Variants in LRMDA observed in about 807,000 individuals in gnomAD.
LRMDA encodes the protein leucine rich melanocyte differentiation associated, also known as leucine-rich melanocyte differentiation-associated protein.
LRMDA carries 18 observed loss-of-function variants against 29.8 expected under a neutral mutation model. That is an observed-to-expected ratio of 0.60 (90% CI 0.42 to 0.90). The LOEUF (loss-of-function observed/expected upper bound fraction) is 0.90, where lower values mean the gene tolerates loss of function less well. LRMDA is among the 40% of genes least tolerant of loss of function. LRMDA has a pLI of 0.00. For missense variants in LRMDA, 273 were observed against 273.9 expected (o/e 1.00, Z 0.02); for synonymous variants, 125 against 109.4 (o/e 1.14, Z -0.89).
In LRMDA at chr10:76,559,122, C is replaced by T. The variant is rs906904665; in HGVS notation, c.*1834C>T. ...AGAATTCTGTGCAAGGGCAGCTAGA[C>T]GAGTCAGATGTCATATCCAATCTAG... is the stretch of plus-strand genomic sequence containing the variant. On this transcript the variant is annotated 3_prime_UTR_variant, in exon 7 of 7. Coordinates refer to ENST00000611255, the MANE Select transcript of LRMDA (RefSeq NM_001305581.2). 7.9e-5 allele frequency: 12 copies of T among 152,170 alleles called. No homozygotes were observed. The highest frequency in any genetic ancestry group is 6.2e-4 in the South Asian group (3 of 4,814). 9.4% of individuals were successfully genotyped at this position (152,170 alleles called of 1,614,324 possible).
intron 6 of LRMDA, among the ~76,000 whole-genome samples, chr10:76,365,071 T>TACACACACAC (rs1554816010): frequency 1.1e-5 from 1 of 91,510 alleles, no homozygotes; most frequent in Non-Finnish European, 2.3e-5. Flanking sequence ...CGTATATATA[T>TACACACACAC]ACACACACAC....
chr10:75,781,260 C>G (rs1019496265), intron 2 of LRMDA, among the ~76,000 whole-genome samples: 1 of 152,160 alleles, frequency 6.6e-6, no homozygotes, highest in African/African-American at 2.4e-5. Flanking sequence ...TCATTCACCT[C>G]TTTGTCCCAG....
chr10:76,538,399 G>A (rs1040156799), intron 6 of LRMDA, among the ~76,000 whole-genome samples: 2 of 148,730 alleles, frequency 1.3e-5, no homozygotes, highest in African/African-American at 4.9e-5. Context: ...AAGTAGCTGA[G>A]TTTATTGATT....
intron 6 of LRMDA, among the ~76,000 whole-genome samples, chr10:76,365,604 C>A (rs1281208019): frequency 6.6e-6 from 1 of 151,918 alleles, no homozygotes; most frequent in East Asian, 1.9e-4. Context: ...TTGTTTTTTT[C>A]TTACTGATTT....
intron 2 of LRMDA, among the ~76,000 whole-genome samples, chr10:75,708,850 C>A (rs1842402107): frequency 4.6e-5 from 7 of 152,176 alleles, no homozygotes; most frequent in Admixed American, 4.6e-4. Flanking sequence ...TCTTTATTTT[C>A]ACCTGCTCTG....
At chr10:76,052,683 A>T (rs779255855) in intron 4 of LRMDA, among the ~76,000 whole-genome samples, 28 of 152,232 alleles carry the variant, frequency 1.8e-4, no homozygotes, top group Non-Finnish European at 3.7e-4. Flanking sequence ...AGGACCTGAA[A>T]AGCTCAATGT....
intron 2 of LRMDA, among the ~76,000 whole-genome samples, chr10:75,602,972 T>G (rs1194424649): frequency 6.6e-6 from 1 of 152,206 alleles, no homozygotes; most frequent in Non-Finnish European, 1.5e-5. Context: ...AGGCTTTGAT[T>G]GCTTCATAAA....
At chr10:75,928,564 C>T (rs1846158597) in intron 2 of LRMDA, among the ~76,000 whole-genome samples, 1 of 152,180 alleles carries the variant, frequency 6.6e-6, no homozygotes, top group Non-Finnish European at 1.5e-5. Flanking sequence ...AATTAGTTGA[C>T]ATCTAAAGCA....
At chr10:75,479,080 C>T (rs749503697) in intron 2 of LRMDA, among the ~76,000 whole-genome samples, 2 of 152,196 alleles carry the variant, frequency 1.3e-5, no homozygotes, top group Non-Finnish European at 2.9e-5. Context: ...GCTCCCAGGG[C>T]TCCTTCCTGC....
intron 2 of LRMDA, among the ~76,000 whole-genome samples, chr10:75,856,059 G>C (rs1473625974): frequency 6.6e-6 from 1 of 152,110 alleles, no homozygotes; most frequent in Non-Finnish European, 1.5e-5. Flanking sequence ...CTCTTTTTTG[G>C]TTCCATATGA....
In LRMDA at chr10:75,637,878, C is replaced by A. The variant is rs78825388; in HGVS notation, c.131+199384C>A. On this transcript the variant is annotated intron_variant, in intron 2 of 6. Transcript: ENST00000611255. Reference sequence around the variant, plus strand: ...CCTGGACGCTGGAGGCGCCTGACAGCAACCCCATTTGCATGGTGTGCAGAG... The same window carrying A: ...CCTGGACGCTGGAGGCGCCTGACAGAAACCCCATTTGCATGGTGTGCAGAG... Among the ~76,000 whole-genome samples the A allele has an allele frequency of 3.6e-3, 546 of 152,290 alleles. 6 individuals are homozygous for A. Among genetic ancestry groups the A allele is most frequent in the African/African-American group, 0.011 (475 of 41,568 alleles).
Position 75,739,064 on chromosome 10 carries a change from C to T in LRMDA, c.132-296944C>T, listed in dbSNP as rs77029489. Among the ~76,000 whole-genome samples the T allele has an allele frequency of 2.8e-4, 43 of 152,266 alleles. No individual in the cohort carries two copies. The East Asian group carries it at 7.3e-3, about 26-fold the overall frequency. Reference sequence around the variant, plus strand: ...TCCTATCAGGCCTGGGCTGTGTGGCCGCTGCGAGAGGCAGGCGGAGGTCAC... The same window carrying T: ...TCCTATCAGGCCTGGGCTGTGTGGCTGCTGCGAGAGGCAGGCGGAGGTCAC... On this transcript the variant is annotated intron_variant, in intron 2 of 6. Coordinates refer to ENST00000611255, the MANE Select transcript of LRMDA (RefSeq NM_001305581.2).
At chr10:75,733,386 C>T (rs920758151) in intron 2 of LRMDA, among the ~76,000 whole-genome samples, 1 of 152,150 alleles carries the variant, frequency 6.6e-6, no homozygotes, top group African/African-American at 2.4e-5. Context: ...GGAAGGAGTT[C>T]GTATGGTTCA....
At chr10:75,434,791 G>T (rs571716830) in intron 1 of LRMDA, among the ~76,000 whole-genome samples, 1 of 152,306 alleles carries the variant, frequency 6.6e-6, no homozygotes, top group Admixed American at 6.5e-5. Context: ...CCCACCCCTG[G>T]CTAGGGGTAG....
At chr10:76,482,257 T>C (rs1478033632) in intron 6 of LRMDA, among the ~76,000 whole-genome samples, 1 of 151,968 alleles carries the variant, frequency 6.6e-6, no homozygotes, top group Non-Finnish European at 1.5e-5. Flanking sequence ...ATTTTAAGTG[T>C]GCAGTTCATT....
At chr10:75,468,005 C>T (rs10824308) in intron 2 of LRMDA, among the ~76,000 whole-genome samples, 67,427 of 150,182 alleles carry the variant, frequency 0.45, 16,903 homozygotes, top group African/African-American at 0.69. Context: ...CACACAAAGT[C>T]GCAAAGTATT....
At chr10:76,077,182 T>C (rs1229382592) in intron 5 of LRMDA, among the ~76,000 whole-genome samples, 1 of 152,214 alleles carries the variant, frequency 6.6e-6, no homozygotes, top group African/African-American at 2.4e-5. Context: ...GGAATAGAGA[T>C]GACATATTCA....
At chr10:75,678,321 C>G (rs1335591628) in intron 2 of LRMDA, among the ~76,000 whole-genome samples, 1 of 152,142 alleles carries the variant, frequency 6.6e-6, no homozygotes, top group East Asian at 1.9e-4. Context: ...CATTATGAGA[C>G]AAGAACCGCT....
intron 5 of LRMDA, among the ~76,000 whole-genome samples, chr10:76,192,810 C>T (rs73286940): frequency 6.6e-6 from 1 of 152,286 alleles, no homozygotes; most frequent in African/African-American, 2.4e-5. Flanking sequence ...CGTGCTCTCT[C>T]TAGTCTATTA....
Sources: gnomAD v4.1 joint callset for allele counts (sites outside exome capture counted in the v4.1 genomes callset) on GRCh38, gnomAD v4.1.1 for gene constraint, MANE v1.5 for transcripts, NCBI Gene and HGNC (gene_info 2026-07-23, HGNC 2026-07-21) for gene names.